Variants in INAVA observed in about 807,000 individuals in gnomAD.
The protein encoded by INAVA is innate immunity activator protein.
INAVA carries 32 observed loss-of-function variants against 55.3 expected under a neutral mutation model. That is an observed-to-expected ratio of 0.58 (90% confidence interval 0.44 to 0.78). The LOEUF (loss-of-function observed/expected upper bound fraction) is 0.78, where lower values mean the gene tolerates loss of function less well. Among genes scored for constraint, INAVA ranks in the 30% least tolerant of loss-of-function variants. INAVA has a pLI of 0.00. For missense variants in INAVA, 756 were observed against 786.4 expected (o/e 0.96, Z 0.46); for synonymous variants, 294 against 329.4 (o/e 0.89, Z 1.16).
At chr1:200,911,304 G>T in intron 8 of INAVA, 149 bp from the exon 9 acceptor site, 1 of 771,818 alleles carries the variant, frequency 1.3e-6, no homozygotes, top group Non-Finnish European at 2.2e-6. Flanking sequence ...GGTTTGCTTT[G>T]GGAGACTTGA....
In INAVA at chr1:200,898,400, C is replaced by G; in HGVS notation, c.-1C>G. On this transcript the variant is annotated 5_prime_UTR_variant, in exon 2 of 10. Coordinates refer to ENST00000413687, the MANE Select transcript of INAVA (RefSeq NM_001142569.3). ...GTGCCCTCTCCTTCCAGAAATCCAC[C>G]ATGGAGAGTAAGGATGAGGTCAGCG... 1 of 1,614,126 alleles carries G rather than the reference C, an allele frequency of 6.2e-7. No homozygotes were observed. Among genetic ancestry groups the G allele is most frequent in the Non-Finnish European group, 8.5e-7 (1 of 1,180,018 alleles).
chr1:200,905,593 CTT>C (rs1653455029), intron 5 of INAVA, among the ~76,000 whole-genome samples: 1 of 152,188 alleles, frequency 6.6e-6, no homozygotes, highest in Admixed American at 6.5e-5. Context: ...GGTTAACAAA[CTT>C]TTCCATAAAG....
At chr1:200,899,232 A>G (rs976725361) in intron 2 of INAVA, among the ~76,000 whole-genome samples, 6 of 152,254 alleles carry the variant, frequency 3.9e-5, no homozygotes, top group Admixed American at 3.9e-4. Context: ...CTCCCCCACC[A>G]TAGGTCACCT....
At chr1:200,912,813 G>A (rs1374205159) in intron 9 of INAVA, among the ~76,000 whole-genome samples, 5 of 152,124 alleles carry the variant, frequency 3.3e-5, no homozygotes, top group African/African-American at 1.2e-4. Flanking sequence ...AGCAATGCAT[G>A]GTAAGCGCTA....
chr1:200,891,550 A>AT (rs1668238336), upstream of INAVA: 2 of 1,603,476 alleles, frequency 1.2e-6, no homozygotes, highest in South Asian at 2.2e-5. Context: ...GATGCTGCAA[A>AT]TGCCGAAGTT....
In INAVA at chr1:200,901,036, C is replaced by T. The variant is rs757620702; in HGVS notation, c.397C>T (p.Arg133Trp). ...GGAGGAGAACCTCAGCAGGCAGGCT[C>T]GGCGGCAGCGGAAGCACTCCATGCT... ...CLEENLSRQARRQRKHSMLQE... is the reference protein window; with the variant it reads ...CLEENLSRQAWRQRKHSMLQE... The change falls in exon 5 of 10, where the codon CGG becomes TGG. Residue 133 changes from arginine (R) to tryptophan (W), a missense_variant. Arg to Trp is a moderately radical substitution (Grantham distance 101). Coordinates refer to ENST00000413687, the MANE Select transcript of INAVA (RefSeq NM_001142569.3). 260 of 1,548,056 alleles carry T rather than the reference C, an allele frequency of 1.7e-4. No homozygotes were observed. The highest frequency in any genetic ancestry group is 5.3e-4 in the Admixed American group (27 of 50,990).
chr1:200,907,660 T>TAA (rs35342076), intron 5 of INAVA, among the ~76,000 whole-genome samples, 174 bp from the exon 6 acceptor site: 31,409 of 145,266 alleles, frequency 0.22, 3,628 homozygotes, highest in Non-Finnish European at 0.28. Context: ...CCCTGTCTCT[T>TAA]AAAAAAAAAA....
At chr1:200,908,033 T>G (rs993758495) in intron 6 of INAVA, 146 bp downstream of exon 6, 2 of 594,608 alleles carry the variant, frequency 3.4e-6, no homozygotes, top group Non-Finnish European at 6.2e-6. Flanking sequence ...TTCATGTCAA[T>G]TTCCGCATGT....
In INAVA at chr1:200,895,381, C is replaced by G. The variant is rs202209859; in HGVS notation, c.-95+294C>G. 4.6e-5 allele frequency among the ~76,000 whole-genome samples: 7 copies of G among 152,072 alleles called. No individual in the cohort carries two copies. In the East Asian group the frequency reaches 1.4e-3, roughly 29 times the overall value. Reference sequence around the variant, plus strand: ...GGATAGAGGAGGATCCCCCATGGCCCGGCCTGAGGGAAGGTGCTCTGGAGT... The same window carrying G: ...GGATAGAGGAGGATCCCCCATGGCCGGGCCTGAGGGAAGGTGCTCTGGAGT... On this transcript the variant is annotated intron_variant, in intron 1 of 9. Coordinates refer to ENST00000413687, the MANE Select transcript of INAVA (RefSeq NM_001142569.3).
chr1:200,905,293 C>T (rs1441518928), intron 5 of INAVA, among the ~76,000 whole-genome samples: 1 of 152,150 alleles, frequency 6.6e-6, no homozygotes, highest in Admixed American at 6.5e-5. Context: ...AGCTTGTAAT[C>T]CCAGCACTTT....
upstream of INAVA, among the ~76,000 whole-genome samples, chr1:200,892,698 G>A (rs2102296428): frequency 6.6e-6 from 1 of 152,262 alleles, no homozygotes; most frequent in Middle Eastern, 3.4e-3. Context: ...ATTCCCAGCT[G>A]GCCTCTGGAG....
At chr1:200,905,648 T>G (rs1653456619) in intron 5 of INAVA, among the ~76,000 whole-genome samples, 1 of 152,228 alleles carries the variant, frequency 6.6e-6, no homozygotes, top group African/African-American at 2.4e-5. Flanking sequence ...CTCTTTGGTC[T>G]TTATCACAAC....
At chr1:200,898,539 T>A in intron 2 of INAVA, 84 bp downstream of exon 2, 3 of 1,491,974 alleles carry the variant, frequency 2.0e-6, no homozygotes, top group Non-Finnish European at 1.8e-6. Context: ...TCCTGAGCCC[T>A]CAGGCACTAG....
At chr1:200,891,809 G>C (rs2102295800), upstream of INAVA, 6 of 724,046 alleles carry the variant, frequency 8.3e-6, 1 homozygote, top group South Asian at 2.0e-4. Context: ...ACAGGGAATG[G>C]GGTAATTTTT....
intron 8 of INAVA, among the ~76,000 whole-genome samples, chr1:200,910,902 C>T (rs913319207): frequency 1.3e-5 from 2 of 152,174 alleles, no homozygotes; most frequent in South Asian, 2.1e-4. Context: ...CAGGTAACTG[C>T]TCTGGGTACC....
chr1:200,896,494 A>G (rs573111203), intron 1 of INAVA, among the ~76,000 whole-genome samples: 37 of 152,198 alleles, frequency 2.4e-4, no homozygotes, highest in Non-Finnish European at 5.1e-4. Context: ...TCCAGAATAT[A>G]TGGCCAATCT....
Position 200,909,312 on chromosome 1 carries a change from G to T in INAVA, c.874G>T (p.Gly292Cys). The change falls in exon 8 of 10, where the codon GGT (glycine) becomes TGT (cysteine). Residue 292 changes from glycine (G) to cysteine (C), a missense_variant. By Grantham distance (159) the Gly-to-Cys change is radical. Coordinates refer to ENST00000413687, the MANE Select transcript of INAVA (RefSeq NM_001142569.3). ...CTCCTACCACGTGGTTCCCATCCGTGGTGTTCCTGGCCAGTGGCAGGGCCG... is the reference window on the plus strand; with the variant it reads ...CTCCTACCACGTGGTTCCCATCCGTTGTGTTCCTGGCCAGTGGCAGGGCCG... ...PASYHVVPIR[G>C]VPGQWQGRTS... 6.2e-7 allele frequency: 1 copy of T among 1,612,340 alleles called. No individual in the cohort carries two copies. The highest frequency in any genetic ancestry group is 1.1e-5 in the South Asian group (1 of 90,928).
rs571491517 is a variant in INAVA at position 200,904,450 on chromosome 1, C to T, written c.520+3291C>T. On this transcript the variant is annotated intron_variant, in intron 5 of 9. Coordinates refer to ENST00000413687, the MANE Select transcript of INAVA (RefSeq NM_001142569.3). Reference sequence around the variant, plus strand: ...TCTGTGCTGTCCAATACAGTAGCCACTCGCTGCATGTGGCTATGGAGCATT... The same window carrying T: ...TCTGTGCTGTCCAATACAGTAGCCATTCGCTGCATGTGGCTATGGAGCATT... 2.6e-5 allele frequency among the ~76,000 whole-genome samples: 4 copies of T among 152,332 alleles called. No homozygotes were observed. The South Asian group carries it at 8.3e-4, about 32-fold the overall frequency.
Position 200,900,198 on chromosome 1 carries a change from A to G in INAVA, c.275A>G (p.Asp92Gly). The change falls in exon 4 of 10, where the codon GAT becomes GGT. Residue 92 changes from aspartate (D) to glycine (G), a missense_variant. By Grantham distance (94) the Asp-to-Gly change is moderately conservative (BLOSUM62 -1). Coordinates refer to ENST00000413687, the MANE Select transcript of INAVA (RefSeq NM_001142569.3). ...RRRIGAAYKLDDWALHREDPL... is the reference protein window; with the variant it reads ...RRRIGAAYKLGDWALHREDPL... ...AGGATCGGAGCGGCTTACAAACTGGATGACTGGGCCTTGCACAGAGAGGTG... is the reference window on the plus strand; with the variant it reads ...AGGATCGGAGCGGCTTACAAACTGGGTGACTGGGCCTTGCACAGAGAGGTG... The G allele has an allele frequency of 6.2e-7, 1 of 1,614,090 alleles. No homozygotes were observed. Among genetic ancestry groups the G allele is most frequent in the South Asian group, 1.1e-5 (1 of 91,088 alleles).
Sources: gnomAD v4.1 joint callset for allele counts (sites outside exome capture counted in the v4.1 genomes callset) on GRCh38, gnomAD v4.1.1 for gene constraint, MANE v1.5 for transcripts, NCBI Gene and HGNC (gene_info 2026-07-23, HGNC 2026-07-21) for gene names.